The following SHROOM2 variants were observed in gnomAD, a reference collection of about 807,000 sequenced individuals.
The protein encoded by SHROOM2 is protein Shroom2.
In SHROOM2, 33 loss-of-function variants were observed where a neutral mutation model predicts 75.9. The observed-to-expected ratio is 0.43, with a 90% CI of 0.33 to 0.58. The LOEUF (loss-of-function observed/expected upper bound fraction) is 0.58, where lower values mean the gene tolerates loss of function less well. SHROOM2 is among the 20% of genes least tolerant of loss of function. The probability of loss-of-function intolerance (pLI) is 0.04; values close to 1 mark genes in which losing one functional copy is unlikely to be tolerated. For synonymous variants in SHROOM2, 655 were observed against 663.6 expected (o/e 0.99, Z 0.20); for missense variants, 1,434 against 1,461.2 (o/e 0.98, Z 0.30).
In SHROOM2 at chrX:9,860,546, C is replaced by G. The variant is rs113961207; in HGVS notation, c.166-13106C>G. On this transcript the variant is annotated intron_variant, in intron 1 of 9. Transcript: ENST00000380913. The stretch of plus-strand genomic sequence containing the variant: ...TCAAGCGATTCTCTTGCCTTAGCCT[C>G]CTGAGTAGCTGGGATTATAGGCATG... Among the ~76,000 whole-genome samples the G allele has an allele frequency of 6.1e-3, 681 of 111,436 alleles. 5 individuals carry two copies. The highest frequency in any genetic ancestry group is 0.021 in the African/African-American group (639 of 30,624).
At chrX:9,815,434 A>G (rs866699801) in intron 1 of SHROOM2, among the ~76,000 whole-genome samples, 22 of 88,715 alleles carry the variant, frequency 2.5e-4, no homozygotes, top group South Asian at 6.9e-4. Context: ...TATACATATT[A>G]TGTGTGTGTG....
chrX:9,916,760 G>A lies in SHROOM2; in HGVS notation c.2892-15415G>A, dbSNP rs193122697. Among the ~76,000 whole-genome samples the A allele has an allele frequency of 3.1e-3, 342 of 112,085 alleles. 5 individuals carry two copies. Among genetic ancestry groups the A allele is most frequent in the Admixed American group, 0.027 (280 of 10,554 alleles). ...TCTTTTGTACATTACTCTTCAGCGCGTGTTCATTTTCCTACTGAAGATGAG... is the reference window on the plus strand; with the variant it reads ...TCTTTTGTACATTACTCTTCAGCGCATGTTCATTTTCCTACTGAAGATGAG... On this transcript the variant is annotated intron_variant, in intron 5 of 9. Coordinates refer to ENST00000380913, the MANE Select transcript of SHROOM2 (RefSeq NM_001649.4).
chrX:9,928,930 CATTT>C (rs2084621151), intron 5 of SHROOM2, among the ~76,000 whole-genome samples: 1 of 112,295 alleles, frequency 8.9e-6, no homozygotes, highest in East Asian at 2.8e-4. Flanking sequence ...GACAGACAGA[CATTT>C]ATACACATAC....
At chrX:9,817,465 T>G (rs1318566408) in intron 1 of SHROOM2, among the ~76,000 whole-genome samples, 1 of 112,020 alleles carries the variant, frequency 8.9e-6, no homozygotes, top group Non-Finnish European at 1.9e-5. Context: ...AAGCAACTAC[T>G]GCGTACACAC....
intron 5 of SHROOM2, among the ~76,000 whole-genome samples, chrX:9,920,156 C>T (rs1244128994): frequency 9.0e-6 from 1 of 111,400 alleles, no homozygotes; most frequent in Non-Finnish European, 1.9e-5. Context: ...AGACAGACAT[C>T]TCAAATCACT....
chrX:9,948,178 A>T lies in SHROOM2; in HGVS notation c.*1241A>T, dbSNP rs925232957. 1 of 112,572 alleles carries T rather than the reference A, an allele frequency of 8.9e-6. No individual in the cohort carries two copies. The highest frequency in any genetic ancestry group is 3.2e-5 in the African/African-American group (1 of 31,017). The allele number at this position is 112,572 out of a possible 1,213,427, so 9.3% of individuals were successfully genotyped here. A position where few individuals can be genotyped will look rare whatever the true frequency, so the allele number is the denominator to read the frequency against. Reference sequence around the variant, plus strand: ...AAAACAAACAGCCCAAGTGAAAAGCAGGCAAAAGACTTGAATAGACACTTC... The same window carrying T: ...AAAACAAACAGCCCAAGTGAAAAGCTGGCAAAAGACTTGAATAGACACTTC... On this transcript the variant is annotated 3_prime_UTR_variant, in exon 10 of 10. Coordinates refer to ENST00000380913, the MANE Select transcript of SHROOM2 (RefSeq NM_001649.4).
intron 5 of SHROOM2, among the ~76,000 whole-genome samples, chrX:9,910,646 G>A (rs998773300): frequency 5.5e-5 from 6 of 109,264 alleles, no homozygotes; most frequent in Admixed American, 2.0e-4. Flanking sequence ...GTGAAACCCC[G>A]TCTCTAATAA....
rs1249726725 is a variant in SHROOM2, at chrX:9,857,932, A to C, written c.166-15720A>C. Among the ~76,000 whole-genome samples the C allele has an allele frequency of 2.3e-4, 25 of 110,314 alleles. No individual in the cohort carries two copies. In the Admixed American group the frequency reaches 2.4e-3, roughly 11 times the overall value. The stretch of plus-strand genomic sequence containing the variant: ...CCCAGTGCTCGAGGCTGTAGACCCC[A>C]TCCTGAGGGTGTGTGTTCTATACAT... On this transcript the variant is annotated intron_variant, in intron 1 of 9. Transcript: ENST00000380913.
chrX:9,796,904 G>C (rs60106908), intron 1 of SHROOM2, among the ~76,000 whole-genome samples: 6,659 of 111,572 alleles, frequency 0.06, 471 homozygotes, highest in African/African-American at 0.2. Flanking sequence ...CATGGCTACC[G>C]AAAGTGCTGA....
chrX:9,794,631 A>G (rs771730051), intron 1 of SHROOM2, among the ~76,000 whole-genome samples: 2 of 111,683 alleles, frequency 1.8e-5, no homozygotes, highest in East Asian at 5.7e-4. Context: ...AGCCTCCCAA[A>G]GTGCTGGGGA....
intron 5 of SHROOM2, among the ~76,000 whole-genome samples, chrX:9,899,233 G>A (rs2084352175): frequency 9.5e-6 from 1 of 105,587 alleles, no homozygotes; most frequent in African/African-American, 3.4e-5. Flanking sequence ...CTGCACTCCA[G>A]CCTGGGCAAC....
At chrX:9,833,631 TG>T (rs2083927787) in intron 1 of SHROOM2, among the ~76,000 whole-genome samples, 1 of 109,615 alleles carries the variant, frequency 9.1e-6, no homozygotes, top group Non-Finnish European at 1.9e-5. Context: ...TGTGTGTGTG[TG>T]TGTGTGTGTG....
chrX:9,850,185 C>T (rs1046839100), intron 1 of SHROOM2, among the ~76,000 whole-genome samples: 1 of 112,110 alleles, frequency 8.9e-6, no homozygotes, highest in African/African-American at 3.2e-5. Flanking sequence ...CTGCAGCACC[C>T]GGGGGCGCTG....
At chrX:9,847,377 T>C (rs2084012003) in intron 1 of SHROOM2, among the ~76,000 whole-genome samples, 1 of 112,542 alleles carries the variant, frequency 8.9e-6, no homozygotes, top group African/African-American at 3.2e-5. Context: ...TGGAATGCAG[T>C]GCACACCAAA....
chrX:9,834,962 A>C (rs888681371), intron 1 of SHROOM2, among the ~76,000 whole-genome samples: 4 of 112,816 alleles, frequency 3.5e-5, no homozygotes, highest in South Asian at 3.6e-4. Context: ...GTGGCGCTCC[A>C]TCAGGAGGTG....
chrX:9,799,278 G>C (rs1171525242), intron 1 of SHROOM2, among the ~76,000 whole-genome samples: 2 of 95,495 alleles, frequency 2.1e-5, no homozygotes, highest in Non-Finnish European at 3.9e-5. Flanking sequence ...AGCAATTTTC[G>C]TGTCTTAACC....
At position 9,895,553 on chromosome X, in the gene SHROOM2, G is replaced by A. The variant is rs1422150750; in HGVS notation, c.1645G>A (p.Ala549Thr). The A allele has an allele frequency of 1.8e-5, 21 of 1,177,524 alleles. No homozygotes were observed. Among genetic ancestry groups the A allele is most frequent in the Admixed American group, 2.4e-5 (1 of 41,248 alleles). ...AGGGGCCGAGGGCTGCTCCGCGGGA[G>A]CCCAGGAGCCTCCCAGGGCCAGCCG... ...DKGAEGCSAGAQEPPRASRAE... is the reference protein window; with the variant it reads ...DKGAEGCSAGTQEPPRASRAE... The change falls in exon 4 of 10, where the codon GCC becomes ACC. Residue 549 changes from alanine (A) to threonine (T), a missense_variant. By Grantham distance (58) the Ala-to-Thr change is moderately conservative (BLOSUM62 0). This residue lies in a region of SHROOM2 where 1,340 missense variants were observed against 1,338.3 expected (regional missense o/e 1.00). Transcript: ENST00000380913.
At position 9,873,542 on chromosome X, in the gene SHROOM2, A is replaced by G. The variant is rs997543176; in HGVS notation, c.166-110A>G. 29 of 910,198 alleles carry G rather than the reference A, an allele frequency of 3.2e-5. No homozygotes were observed. The Admixed American group carries it at 7.0e-4, about 22-fold the overall frequency. 75.0% of individuals were successfully genotyped at this position (910,198 alleles called of 1,213,427 possible). On this transcript the variant is annotated intron_variant, in intron 1 of 9. Transcript: ENST00000380913. ...CTGAGTGGTAATAAGGTCAGCCCCCAGGGCCCATTCCCGCCAAGTGTGAGG... is the reference window on the plus strand; with the variant it reads ...CTGAGTGGTAATAAGGTCAGCCCCCGGGGCCCATTCCCGCCAAGTGTGAGG...
At chrX:9,806,520 ATATC>A (rs2083753503) in intron 1 of SHROOM2, among the ~76,000 whole-genome samples, 1 of 107,168 alleles carries the variant, frequency 9.3e-6, no homozygotes, top group African/African-American at 3.4e-5. Flanking sequence ...ATATATATAT[ATATC>A]TGTCTCCTTG....
Sources: allele counts gnomAD v4.1 joint callset (sites outside exome capture counted in the v4.1 genomes callset), GRCh38; gene constraint gnomAD v4.1.1; regional missense constraint gnomAD v4.1.1; transcripts MANE v1.5; gene names NCBI Gene and HGNC (gene_info 2026-07-23, HGNC 2026-07-21).